Variants in MARCHF4 observed in about 807,000 individuals in gnomAD.
The protein encoded by MARCHF4 is membrane associated ring-CH-type finger 4, also known as E3 ubiquitin-protein ligase MARCHF4.
A neutral mutation model predicts 43.9 loss-of-function variants in MARCHF4; 14 were observed. That is an observed-to-expected ratio of 0.32 (90% CI 0.21 to 0.50). MARCHF4 has a LOEUF of 0.50. Ranked by LOEUF, MARCHF4 falls within the 20% of genes least tolerant of loss-of-function variation. MARCHF4 has a pLI of 0.98. For missense variants in MARCHF4, 468 were observed against 536.7 expected, an observed-to-expected ratio of 0.87 and a Z score of 1.27; for synonymous variants, 226 against 213.3, an observed-to-expected ratio of 1.06 and a Z score of -0.52.
intron 1 of MARCHF4, among the ~76,000 whole-genome samples, chr2:216,320,607 T>TTC (rs1691864398): frequency 8.9e-6 from 1 of 112,098 alleles, no homozygotes; most frequent in Non-Finnish European, 1.8e-5. Context: ...TATAGCCTCT[T>TTC]TTTCTTTCTT....
Position 216,370,066 on chromosome 2 carries a change from G to T in MARCHF4, c.195C>A (p.His65Gln). The part of the protein sequence containing the change: ...RRPPQAPLPM[H>Q]GDPQPPGLAA... ...CCAAACCGGGGGGCTGGGGGTCGCC[G>T]TGCATGGGCAGGGGCGCTTGAGGAG... Residue 65 changes from histidine (H) to glutamine (Q), a missense_variant, in exon 1 of 4, where the codon CAC becomes CAA. By Grantham distance (24) the His-to-Gln change is conservative (BLOSUM62 0). Transcript: ENST00000273067. 6.4e-7 allele frequency: 1 copy of T among 1,568,456 alleles called. No homozygotes were observed. The highest frequency in any genetic ancestry group is 8.6e-7 in the Non-Finnish European group (1 of 1,156,448).
intron 3 of MARCHF4, 113 bp from the exon 4 acceptor site, chr2:216,259,792 G>A (rs1011075381): frequency 1.9e-6 from 2 of 1,050,582 alleles, no homozygotes; most frequent in Admixed American, 2.5e-5. Flanking sequence ...CTCCAGTGCT[G>A]AGCCATGGGA....
intron 1 of MARCHF4, among the ~76,000 whole-genome samples, chr2:216,334,175 TGGAAGAA>T (rs985036105): frequency 7.2e-5 from 11 of 152,180 alleles, no homozygotes; most frequent in Admixed American, 2.0e-4. Context: ...CCCTTAAAAG[TGGAAGAA>T]GGCAGGAGAG....
At chr2:216,322,576 C>A (rs1691915726) in intron 1 of MARCHF4, among the ~76,000 whole-genome samples, 1 of 152,240 alleles carries the variant, frequency 6.6e-6, no homozygotes. Flanking sequence ...AATCTCAACA[C>A]TTTGGGAGGC....
chr2:216,332,390 TAAA>T (rs572537646), intron 1 of MARCHF4, among the ~76,000 whole-genome samples: 1 of 94,552 alleles, frequency 1.1e-5, no homozygotes. Flanking sequence ...AGACTCTGTC[TAAA>T]AAAAAAAAAA....
intron 1 of MARCHF4, among the ~76,000 whole-genome samples, chr2:216,308,423 A>C (rs913261192): frequency 6.6e-6 from 1 of 152,164 alleles, no homozygotes; most frequent in African/African-American, 2.4e-5. Flanking sequence ...AAAGAAAAAA[A>C]GTCAGGCACA....
rs1048046010 is a variant in MARCHF4 at position 216,352,036 on chromosome 2, T to C, written c.516+17709A>G. On this transcript the variant is annotated intron_variant, in intron 1 of 3. Coordinates refer to ENST00000273067, the MANE Select transcript of MARCHF4 (RefSeq NM_020814.3). Reference sequence around the variant, plus strand: ...TATGTGCTGCATTTCTGACTTTTTTTTGGCTCTCTGTCCAGAAAATGGCCT... The same window carrying C: ...TATGTGCTGCATTTCTGACTTTTTTCTGGCTCTCTGTCCAGAAAATGGCCT... Among the ~76,000 whole-genome samples, 12 of 152,214 alleles carry C rather than the reference T, an allele frequency of 7.9e-5. 1 individual carries two copies. Among genetic ancestry groups the C allele is most frequent in the Admixed American group, 7.2e-4 (11 of 15,286 alleles).
chr2:216,273,066 C>T (rs1690964425), intron 3 of MARCHF4, among the ~76,000 whole-genome samples: 1 of 152,232 alleles, frequency 6.6e-6, no homozygotes, highest in Non-Finnish European at 1.5e-5. Context: ...GGGCAGCAAG[C>T]AGGCAGTGTC....
chr2:216,306,911 G>A (rs1044391531), intron 1 of MARCHF4, among the ~76,000 whole-genome samples: 4 of 151,876 alleles, frequency 2.6e-5, no homozygotes, highest in African/African-American at 9.7e-5. Context: ...TGTGTTCACT[G>A]GCTGTACATG....
chr2:216,359,953 C>T (rs180785544), intron 1 of MARCHF4, among the ~76,000 whole-genome samples: 2 of 152,266 alleles, frequency 1.3e-5, no homozygotes, highest in Non-Finnish European at 2.9e-5. Context: ...TCCTCCAGGG[C>T]CCACACCTCT....
At chr2:216,323,361 A>G (rs1032046898) in intron 1 of MARCHF4, among the ~76,000 whole-genome samples, 3 of 152,140 alleles carry the variant, frequency 2.0e-5, no homozygotes, top group Non-Finnish European at 2.9e-5. Context: ...TAAAATGGAG[A>G]TAATAATAGT....
chr2:216,354,914 T>TTC lies in MARCHF4; in HGVS notation c.516+14830_516+14831insGA. On this transcript the variant is annotated intron_variant, in intron 1 of 3. Transcript: ENST00000273067. The stretch of plus-strand genomic sequence containing the variant: ...TGTTTTCTTTCTTTCTTTCTTTCTT[T>TTC]CTTTCTTTCTTTCTTTCTTTCTTTC... 3.0e-5 allele frequency among the ~76,000 whole-genome samples: 3 copies of TTC among 100,844 alleles called. No homozygotes were observed. In the East Asian group the frequency reaches 9.3e-4, roughly 31 times the overall value. The allele number at this position is 100,844 out of a possible 152,430, so 66.2% of individuals were successfully genotyped here. A position where few individuals can be genotyped will look rare whatever the true frequency, so the allele number is the denominator to read the frequency against.
chr2:216,307,358 G>C (rs2105953814), intron 1 of MARCHF4, among the ~76,000 whole-genome samples: 1 of 152,268 alleles, frequency 6.6e-6, no homozygotes, highest in East Asian at 1.9e-4. Flanking sequence ...TACAAGGGGG[G>C]TGGGAAGGAA....
chr2:216,298,898 A>G (rs1188113354), intron 1 of MARCHF4, among the ~76,000 whole-genome samples: 1 of 152,238 alleles, frequency 6.6e-6, no homozygotes, highest in Non-Finnish European at 1.5e-5. Context: ...TACTAATTCA[A>G]AAGGCATTTT....
At chr2:216,329,057 A>G (rs1247104837) in intron 1 of MARCHF4, among the ~76,000 whole-genome samples, 1 of 151,768 alleles carries the variant, frequency 6.6e-6, no homozygotes, top group Admixed American at 6.6e-5. Context: ...CAAAACAAAG[A>G]TAAACAAATA....
At position 216,370,227 on chromosome 2, in the gene MARCHF4, A is replaced by G. The variant is rs1437943747; in HGVS notation, c.34T>C (p.Trp12Arg). 6.2e-7 allele frequency: 1 copy of G among 1,609,978 alleles called. No individual in the cohort carries two copies. Among genetic ancestry groups the G allele is most frequent in the South Asian group, 1.1e-5 (1 of 90,884 alleles). The change falls in exon 1 of 4, where the codon TGG (tryptophan) becomes CGG (arginine). Residue 12 changes from tryptophan to arginine, a missense_variant. Physicochemically the swap from Trp to Arg is moderately radical, Grantham distance 101. Around this residue, in one of 3 missense-constraint regions of MARCHF4, gnomAD observed 190 missense variants for 158.5 expected, o/e 1.20. Transcript: ENST00000273067. ...LMPLCGLLWW[W>R]WCCCSGWYCY... ...TACCAGCCGGAGCAGCAGCACCACC[A>G]CCACCAGAGCAGCCCACACAGGGGC...
chr2:216,277,733 G>A lies in MARCHF4; in HGVS notation c.804C>T (p.Arg268=). 6.2e-7 allele frequency: 1 copy of A among 1,614,168 alleles called. No individual in the cohort carries two copies. Residue 268 remains arginine, a synonymous_variant, in exon 3 of 4, where the codon CGC becomes CGT. Coordinates refer to ENST00000273067, the MANE Select transcript of MARCHF4 (RefSeq NM_020814.3). The part of the protein sequence containing the change: ...STFSPSARWQ[R]QDLLFQICYG... Reference sequence around the variant, plus strand: ...AGCAGATCTGGAAGAGAAGGTCTTGGCGCTGCCATCTTGCCGAGGGGCTGA... The same window carrying A: ...AGCAGATCTGGAAGAGAAGGTCTTGACGCTGCCATCTTGCCGAGGGGCTGA...
At chr2:216,309,760 G>A (rs546573527) in intron 1 of MARCHF4, among the ~76,000 whole-genome samples, 2 of 152,310 alleles carry the variant, frequency 1.3e-5, no homozygotes, top group Non-Finnish European at 2.9e-5. Flanking sequence ...AAAATAGAAA[G>A]AGAGGCCTCA....
intron 3 of MARCHF4, among the ~76,000 whole-genome samples, chr2:216,276,333 G>A (rs1456617879): frequency 1.4e-5 from 2 of 146,986 alleles, no homozygotes; most frequent in African/African-American, 2.8e-5. Context: ...TGGTGGGAGG[G>A]GGAAAGAAAT....
Sources: allele counts gnomAD v4.1 joint callset (sites outside exome capture counted in the v4.1 genomes callset), GRCh38; gene constraint gnomAD v4.1.1; regional missense constraint gnomAD v4.1.1; transcripts MANE v1.5; gene names NCBI Gene and HGNC (gene_info 2026-07-23, HGNC 2026-07-21).